AMD1: variants seen among roughly 807,000 people sequenced by gnomAD.
The protein encoded by AMD1 is S-adenosylmethionine decarboxylase proenzyme.
Under a neutral mutation model 40.2 loss-of-function variants are expected in AMD1, and 11 were observed. The observed-to-expected ratio is 0.27, with a 90% CI of 0.17 to 0.45. AMD1 has a LOEUF of 0.45. AMD1 is among the 20% of genes least tolerant of loss of function. The probability of loss-of-function intolerance (pLI) is 1.00; values close to 1 mark genes in which losing one functional copy is unlikely to be tolerated. For synonymous variants in AMD1, 121 were observed against 130.8 expected, an observed-to-expected ratio of 0.93 and a Z score of 0.51; for missense variants, 257 against 410.2, an observed-to-expected ratio of 0.63 and a Z score of 3.23.
chr6:110,870,551 G>T (rs969575040), upstream of AMD1, among the ~76,000 whole-genome samples: 2 of 152,258 alleles, frequency 1.3e-5, no homozygotes, highest in South Asian at 4.2e-4. Context: ...TGAGCCCGGG[G>T]AAGTTGAGGC....
At chr6:110,836,012 CAAAAA>C in the AMD1 span, among the ~76,000 whole-genome samples, 13 of 60,752 alleles carry the variant, frequency 2.1e-4, 1 homozygote, top group South Asian at 3.9e-3. Context: ...GACCTTGACT[CAAAAA>C]AAAAAAAAAA....
chr6:110,881,225 G>C (rs1409934942), intron 1 of AMD1, among the ~76,000 whole-genome samples: 1 of 152,042 alleles, frequency 6.6e-6, no homozygotes, highest in Non-Finnish European at 1.5e-5. Flanking sequence ...CAGCATTCTT[G>C]ACATTTTGAT....
the AMD1 span, among the ~76,000 whole-genome samples, chr6:110,836,230 C>G: frequency 3.3e-5 from 5 of 151,974 alleles, no homozygotes; most frequent in Non-Finnish European, 7.4e-5. Flanking sequence ...TGCAAAGATA[C>G]ATGAACAACA....
intron 1 of AMD1, among the ~76,000 whole-genome samples, chr6:110,881,461 A>G (rs1297553502): frequency 6.6e-6 from 1 of 152,136 alleles, no homozygotes; most frequent in East Asian, 1.9e-4. Flanking sequence ...AAGGAATTCA[A>G]ATCAGGAAAT....
intron 1 of AMD1, among the ~76,000 whole-genome samples, chr6:110,884,331 T>C (rs190196699): frequency 5.1e-4 from 77 of 152,226 alleles, no homozygotes; most frequent in Non-Finnish European, 9.7e-4. Context: ...GTCAACATAC[T>C]CAAAACCAGG....
chr6:110,863,553 A>G, the AMD1 span, among the ~76,000 whole-genome samples: 14 of 151,526 alleles, frequency 9.2e-5, no homozygotes, highest in East Asian at 2.4e-3. Flanking sequence ...TATTTTTAGT[A>G]GAGACGGGGT....
chr6:110,815,200 T>C, the AMD1 span: 38 of 1,324,860 alleles, frequency 2.9e-5, no homozygotes, highest in African/African-American at 3.2e-5. Context: ...CTCCTCCTCC[T>C]CCCCCCGCGA....
the AMD1 span, chr6:110,858,859 C>T: frequency 1.4e-5 from 11 of 787,436 alleles, no homozygotes; most frequent in African/African-American, 1.7e-4. Context: ...TAACCATCAG[C>T]CTCCAGATGG....
the AMD1 span, among the ~76,000 whole-genome samples, chr6:110,839,719 T>C: frequency 6.6e-6 from 1 of 152,208 alleles, no homozygotes; most frequent in Admixed American, 6.6e-5. Context: ...AGTTTATTCC[T>C]TGTATCTAAT....
the AMD1 span, among the ~76,000 whole-genome samples, chr6:110,851,428 G>T: frequency 6.6e-6 from 1 of 151,582 alleles, no homozygotes; most frequent in Admixed American, 6.6e-5. Context: ...AAAGTTGTGG[G>T]GTTTTTTGTT....
At position 110,894,216 on chromosome 6, in the gene AMD1, G is replaced by C. The variant is rs1378161616; in HGVS notation, c.*600G>C. On this transcript the variant is annotated 3_prime_UTR_variant, in exon 9 of 9. Transcript: ENST00000368885. ...TTCCAGTTACTCATTTTGCATATTT[G>C]CTATTTTAACATTATTGGACCCTGC... 6.5e-6 allele frequency: 1 copy of C among 152,888 alleles called. No individual in the cohort carries two copies. Among genetic ancestry groups the C allele is most frequent in the Non-Finnish European group, 1.5e-5 (1 of 68,246 alleles). 9.5% of individuals were successfully genotyped at this position (152,888 alleles called of 1,614,324 possible). A position where few individuals can be genotyped will look rare whatever the true frequency, so the allele number is the denominator to read the frequency against.
the AMD1 span, among the ~76,000 whole-genome samples, chr6:110,825,105 C>T: frequency 4.0e-3 from 605 of 152,282 alleles, 2 homozygotes; most frequent in Non-Finnish European, 5.1e-3. Flanking sequence ...AATACATATA[C>T]ACACACTGCT....
At chr6:110,867,066 G>C in the AMD1 span, among the ~76,000 whole-genome samples, 1 of 152,008 alleles carries the variant, frequency 6.6e-6, no homozygotes, top group East Asian at 1.9e-4. Context: ...ACCCGCCTCG[G>C]CCTCCCAAAG....
the AMD1 span, among the ~76,000 whole-genome samples, chr6:110,828,942 C>A: frequency 1.3e-5 from 2 of 152,136 alleles, no homozygotes; most frequent in African/African-American, 4.8e-5. Flanking sequence ...GAGGCCAAGG[C>A]GTGCAGATAA....
chr6:110,816,599 G>T, the AMD1 span, among the ~76,000 whole-genome samples: 1 of 152,144 alleles, frequency 6.6e-6, no homozygotes. Context: ...GGAAATTTTC[G>T]TAATTAAAGG....
chr6:110,839,484 A>G, the AMD1 span, among the ~76,000 whole-genome samples: 11 of 152,186 alleles, frequency 7.2e-5, no homozygotes, highest in South Asian at 2.1e-3. Flanking sequence ...AGCCAGGTGT[A>G]GTGGTGTGAA....
chr6:110,859,775 T>C, the AMD1 span, among the ~76,000 whole-genome samples: 1 of 152,102 alleles, frequency 6.6e-6, no homozygotes, highest in Non-Finnish European at 1.5e-5. Context: ...AATTCTGCGT[T>C]GTTGGGGCTA....
the AMD1 span, among the ~76,000 whole-genome samples, chr6:110,855,827 T>C: frequency 6.6e-6 from 1 of 152,106 alleles, no homozygotes; most frequent in Admixed American, 6.6e-5. Flanking sequence ...ATGCCTGTAA[T>C]CCCAACACTT....
chr6:110,863,218 T>C, the AMD1 span, among the ~76,000 whole-genome samples: 2 of 152,106 alleles, frequency 1.3e-5, no homozygotes, highest in South Asian at 4.2e-4. Flanking sequence ...GTGCTGGGAT[T>C]ACAGGCATGA....
Sources: gnomAD v4.1 joint callset for allele counts (sites outside exome capture counted in the v4.1 genomes callset) on GRCh38, gnomAD v4.1.1 for gene constraint, MANE v1.5 for transcripts, NCBI Gene and HGNC (gene_info 2026-07-23, HGNC 2026-07-21) for gene names.